The following PTPRB variants were observed in gnomAD, a reference collection of about 807,000 sequenced individuals.
PTPRB encodes receptor-type tyrosine-protein phosphatase beta.
PTPRB carries 97 observed loss-of-function variants against 238.1 expected under a neutral mutation model. That is an observed-to-expected ratio of 0.41 (90% CI 0.35 to 0.48). The LOEUF is 0.48. Ranked by LOEUF, PTPRB falls within the 20% of genes least tolerant of loss-of-function variation. The probability of loss-of-function intolerance (pLI) is 0.30; values close to 1 mark genes in which losing one functional copy is unlikely to be tolerated. For synonymous variants in PTPRB, 970 were observed against 995.4 expected (o/e 0.97, Z 0.48); for missense variants, 2,292 against 2,681.9 (o/e 0.85, Z 3.21).
chr12:70,636,454 C>A (rs754254388), intron 1 of PTPRB, among the ~76,000 whole-genome samples: 1 of 152,204 alleles, frequency 6.6e-6, no homozygotes, highest in Non-Finnish European at 1.5e-5. Flanking sequence ...CCTTTTTAAC[C>A]ATTTGACATA....
chr12:70,563,009 T>G lies in PTPRB; in HGVS notation c.4003A>C (p.Ile1335Leu), dbSNP rs1878706197. 4.3e-6 allele frequency: 7 copies of G among 1,613,960 alleles called. No individual in the cohort carries two copies. Among genetic ancestry groups the G allele is most frequent in the Non-Finnish European group, 5.9e-6 (7 of 1,179,860 alleles). ...ASEGELSWYN[I>L]FLYNPDGNLQ... ...TTCCCATCTGGGTTGTACAAAAAGA[T>G]GTTGTACCAGCTGAGCTCCCCCTCT... The change falls in exon 16 of 34, where the codon ATC (isoleucine) becomes CTC (leucine). Residue 1335 changes from isoleucine to leucine, a missense_variant. Transcript: ENST00000334414.
intron 27 of PTPRB, chr12:70,538,683 A>T: frequency 1.8e-6 from 1 of 544,362 alleles, no homozygotes; most frequent in Non-Finnish European, 3.3e-6. Flanking sequence ...GAGAAGCAAT[A>T]GCATCACATG....
At chr12:70,601,554 T>A (rs1275523078) in intron 4 of PTPRB, among the ~76,000 whole-genome samples, 2 of 152,030 alleles carry the variant, frequency 1.3e-5, no homozygotes, top group African/African-American at 4.8e-5. Flanking sequence ...GTGAGGAGAC[T>A]TGATTGGAAC....
chr12:70,626,624 A>G (rs1157716967), intron 2 of PTPRB, among the ~76,000 whole-genome samples: 1 of 152,052 alleles, frequency 6.6e-6, no homozygotes, highest in Non-Finnish European at 1.5e-5. Flanking sequence ...TAATCTAGAG[A>G]TAATTTAAAG....
chr12:70,620,437 AG>A (rs1884877112), intron 3 of PTPRB, among the ~76,000 whole-genome samples: 1 of 152,262 alleles, frequency 6.6e-6, no homozygotes, highest in Admixed American at 6.5e-5. Context: ...TTTTGCTAAA[AG>A]ACAACCCTTT....
At chr12:70,632,305 C>T (rs1885488093) in intron 2 of PTPRB, among the ~76,000 whole-genome samples, 1 of 152,102 alleles carries the variant, frequency 6.6e-6, no homozygotes, top group African/African-American at 2.4e-5. Context: ...TGGAAACCAT[C>T]ATTCTCAGCA....
At chr12:70,574,858 T>G (rs1001990492) in intron 11 of PTPRB, among the ~76,000 whole-genome samples, 2 of 152,196 alleles carry the variant, frequency 1.3e-5, no homozygotes, top group Non-Finnish European at 2.9e-5. Flanking sequence ...ATCACTTTCT[T>G]GCATTTTAAA....
intron 7 of PTPRB, 35 bp from the exon 8 acceptor site, chr12:70,590,268 A>G (rs1336455202): frequency 6.6e-7 from 1 of 1,510,972 alleles, no homozygotes; most frequent in South Asian, 1.4e-5. Flanking sequence ...AGGAGATATT[A>G]CAGACCAAAA....
intron 21 of PTPRB, among the ~76,000 whole-genome samples, 195 bp downstream of exon 21, chr12:70,552,582 T>C (rs1168668346): frequency 6.6e-6 from 1 of 152,142 alleles, no homozygotes; most frequent in Non-Finnish European, 1.5e-5. Flanking sequence ...TGCATAGTGC[T>C]GAAGTCCCTT....
At chr12:70,625,442 A>G (rs546944299) in intron 2 of PTPRB, among the ~76,000 whole-genome samples, 1 of 152,186 alleles carries the variant, frequency 6.6e-6, no homozygotes, top group South Asian at 2.1e-4. Flanking sequence ...AGTCATATAC[A>G]TAATATGAAC....
At chr12:70,551,809 T>C (rs1876922279) in intron 21 of PTPRB, among the ~76,000 whole-genome samples, 1 of 152,084 alleles carries the variant, frequency 6.6e-6, no homozygotes, top group Non-Finnish European at 1.5e-5. Context: ...GGATGCTATA[T>C]ACTTCTGCTT....
In PTPRB at chr12:70,539,613, C is replaced by T. The variant is rs1874724155; in HGVS notation, c.5778+12G>A. ...CTAGGGATGCTGAAGCTTCATTCTG[C>T]CTGAGTTGTACCTCGTATTCCTTGG... On this transcript the variant is annotated intron_variant, in intron 26 of 33. Coordinates refer to ENST00000334414, the MANE Select transcript of PTPRB (RefSeq NM_001109754.4). The T allele has an allele frequency of 1.3e-6, 2 of 1,514,620 alleles. No homozygotes were observed. The highest frequency in any genetic ancestry group is 2.4e-5 in the East Asian group (1 of 42,424). 93.8% of individuals were successfully genotyped at this position (1,514,620 alleles called of 1,614,324 possible).
Position 70,612,736 on chromosome 12 carries a change from T to C in PTPRB, c.709-3397A>G, listed in dbSNP as rs1884514111. On this transcript the variant is annotated intron_variant, in intron 3 of 33. Transcript: ENST00000334414. ...GTGCGGTGGCTCACACCTGTAATCATAGCACTTTGGGAGGCTGAGGCAGGT... is the reference window on the plus strand; with the variant it reads ...GTGCGGTGGCTCACACCTGTAATCACAGCACTTTGGGAGGCTGAGGCAGGT... 1.3e-5 allele frequency among the ~76,000 whole-genome samples: 2 copies of C among 151,958 alleles called. 1 individual carries two copies. Among genetic ancestry groups the C allele is most frequent in the South Asian group, 4.1e-4 (2 of 4,826 alleles).
At chr12:70,604,847 G>A (rs12423790) in intron 4 of PTPRB, among the ~76,000 whole-genome samples, 32,846 of 152,044 alleles carry the variant, frequency 0.22, 3,676 homozygotes, top group South Asian at 0.29. Flanking sequence ...GCCATTTGCA[G>A]GCCAAGGAGA....
At chr12:70,538,627 T>C (rs1460371367) in intron 27 of PTPRB, 2 of 477,988 alleles carry the variant, frequency 4.2e-6, no homozygotes, top group African/African-American at 1.9e-5. Flanking sequence ...GTCTGCTTGA[T>C]GTCAGAGCCC....
intron 23 of PTPRB, chr12:70,540,378 C>G (rs1874869791): frequency 1.8e-5 from 4 of 216,652 alleles, no homozygotes; most frequent in Middle Eastern, 1.7e-3. Context: ...AAAAAAAATT[C>G]ACTAAGAGAA....
At position 70,559,660 on chromosome 12, in the gene PTPRB, C is replaced by T. The variant is rs376084582; in HGVS notation, c.4433-36G>A. On this transcript the variant is annotated intron_variant, in intron 17 of 33. Coordinates refer to ENST00000334414, the MANE Select transcript of PTPRB (RefSeq NM_001109754.4). ...GAGAAAGTGAAAAATCACATAATCA[C>T]AGCTATGCCATAACATATACAAATA... 1.8e-5 allele frequency: 27 copies of T among 1,538,018 alleles called. No individual in the cohort carries two copies. In the African/African-American group the frequency reaches 3.1e-4, roughly 18 times the overall value.
intron 2 of PTPRB, among the ~76,000 whole-genome samples, chr12:70,624,754 G>A (rs965405233): frequency 6.6e-6 from 1 of 152,058 alleles, no homozygotes; most frequent in Non-Finnish European, 1.5e-5. Flanking sequence ...CGTGGGGTTA[G>A]GACAAAAACA....
intron 2 of PTPRB, among the ~76,000 whole-genome samples, chr12:70,624,865 T>A (rs1262366039): frequency 6.6e-6 from 1 of 152,204 alleles, no homozygotes; most frequent in Non-Finnish European, 1.5e-5. Flanking sequence ...TCCTAAGAAC[T>A]TTTTAAAAAA....
Sources: gnomAD v4.1 joint callset for allele counts (sites outside exome capture counted in the v4.1 genomes callset) on GRCh38, gnomAD v4.1.1 for gene constraint, MANE v1.5 for transcripts, NCBI Gene and HGNC (gene_info 2026-07-23, HGNC 2026-07-21) for gene names.